Variants in LRRC4C observed in about 807,000 individuals in gnomAD.
The protein encoded by LRRC4C is leucine rich repeat containing 4C.
In LRRC4C, 5 loss-of-function variants were observed where a neutral mutation model predicts 33.6. That is an observed-to-expected ratio of 0.15 (90% CI 0.08 to 0.31). The LOEUF is 0.31. Among genes scored for constraint, LRRC4C ranks in the 10% least tolerant of loss-of-function variants. The pLI, the probability that LRRC4C is intolerant of heterozygous loss-of-function variation, is 1.00. For synonymous variants in LRRC4C, 329 were observed against 302.0 expected (o/e 1.09, Z -0.93); for missense variants, 560 against 796.7 (o/e 0.70, Z 3.58).
chr11:41,358,459 A>G (rs76358055), intron 1 of LRRC4C, among the ~76,000 whole-genome samples: 2,881 of 152,298 alleles, frequency 0.019, 83 homozygotes, highest in African/African-American at 0.065. Flanking sequence ...GAGAAGGAGA[A>G]GATAAGCCAG....
intron 1 of LRRC4C, among the ~76,000 whole-genome samples, chr11:41,455,344 A>T (rs1481129653): frequency 6.6e-6 from 1 of 151,986 alleles, no homozygotes; most frequent in Non-Finnish European, 1.5e-5. Context: ...CATTTTCTGG[A>T]TATCCAGAAA....
intron 3 of LRRC4C, among the ~76,000 whole-genome samples, chr11:40,415,529 T>C (rs571235401): frequency 1.3e-5 from 2 of 152,240 alleles, no homozygotes; most frequent in Non-Finnish European, 2.9e-5. Context: ...GATAAGTATG[T>C]TACACAATGA....
At position 40,286,528 on chromosome 11, in the gene LRRC4C, G is replaced by A. The variant is rs181888909; in HGVS notation, c.-176+33100C>T. On this transcript the variant is annotated intron_variant, in intron 4 of 6. Transcript: ENST00000528697. ...GATCAAAAATAACATCACCAACTTG[G>A]ATAGCAAAGTTGGCAGGAAATCTTT... Among the ~76,000 whole-genome samples, 201 of 152,266 alleles carry A rather than the reference G, an allele frequency of 1.3e-3. 1 individual carries two copies. The highest frequency in any genetic ancestry group is 4.5e-3 in the African/African-American group (189 of 41,558).
intron 1 of LRRC4C, among the ~76,000 whole-genome samples, chr11:41,221,699 G>C (rs1284522428): frequency 1.3e-5 from 2 of 152,092 alleles, no homozygotes; most frequent in African/African-American, 4.8e-5. Context: ...TATTGTTAAA[G>C]TTTATAAATC....
intron 2 of LRRC4C, among the ~76,000 whole-genome samples, chr11:40,752,272 C>T (rs774784171): frequency 6.6e-5 from 10 of 152,086 alleles, no homozygotes; most frequent in Non-Finnish European, 1.2e-4. Context: ...TAAAAAGATT[C>T]TACACAGCAA....
At chr11:40,355,851 G>A (rs114593670) in intron 3 of LRRC4C, among the ~76,000 whole-genome samples, 1,889 of 152,180 alleles carry the variant, frequency 0.012, 28 homozygotes, top group African/African-American at 0.043. Flanking sequence ...TCAATTTGGT[G>A]TTCCTGTTGG....
chr11:40,998,928 C>T (rs1854168539), intron 1 of LRRC4C, among the ~76,000 whole-genome samples: 1 of 152,126 alleles, frequency 6.6e-6, no homozygotes, highest in African/African-American at 2.4e-5. Context: ...TTTCCCGCAT[C>T]ATCTATGTAT....
intron 1 of LRRC4C, among the ~76,000 whole-genome samples, chr11:41,090,372 G>A (rs185222197): frequency 0.011 from 1,612 of 151,876 alleles, 7 homozygotes; most frequent in Middle Eastern, 0.044. Flanking sequence ...GTTTATTTTT[G>A]GTTTTATCTC....
At chr11:41,250,388 T>C (rs930157672) in intron 1 of LRRC4C, among the ~76,000 whole-genome samples, 2 of 152,202 alleles carry the variant, frequency 1.3e-5, no homozygotes, top group African/African-American at 4.8e-5. Flanking sequence ...GGCAAGACGA[T>C]CTCAGCAGAG....
intron 1 of LRRC4C, among the ~76,000 whole-genome samples, chr11:40,987,653 C>CATATA (rs1853137185): frequency 4.1e-5 from 1 of 24,102 alleles, no homozygotes; most frequent in Admixed American, 3.9e-4. Context: ...ATATATATAT[C>CATATA]TCATATATAT....
intron 2 of LRRC4C, among the ~76,000 whole-genome samples, chr11:40,688,118 T>C (rs1001257869): frequency 6.6e-6 from 1 of 152,138 alleles, no homozygotes; most frequent in Non-Finnish European, 1.5e-5. Flanking sequence ...ATTTGTCTTA[T>C]GCAGCATTAC....
chr11:40,877,384 T>A (rs188285383), intron 2 of LRRC4C, among the ~76,000 whole-genome samples: 436 of 152,246 alleles, frequency 2.9e-3, no homozygotes, highest in Non-Finnish European at 4.7e-3. Flanking sequence ...TTCATTTACA[T>A]CCCCTGAAAA....
chr11:40,763,232 A>AT (rs1949308727), intron 2 of LRRC4C, among the ~76,000 whole-genome samples: 1 of 151,946 alleles, frequency 6.6e-6, no homozygotes, highest in South Asian at 2.1e-4. Context: ...CAAGGGGGTG[A>AT]TATCTGCTAG....
At chr11:41,032,025 G>A (rs1388304957) in intron 1 of LRRC4C, among the ~76,000 whole-genome samples, 1 of 152,012 alleles carries the variant, frequency 6.6e-6, no homozygotes, top group East Asian at 1.9e-4. Context: ...TAGGTTGAGA[G>A]CTCTCCAGTT....
intron 1 of LRRC4C, among the ~76,000 whole-genome samples, chr11:41,129,592 C>G (rs1463034085): frequency 1.3e-5 from 2 of 151,794 alleles, no homozygotes; most frequent in African/African-American, 4.8e-5. Flanking sequence ...GTAATTTTAT[C>G]TGCCTCAATG....
At chr11:40,339,698 C>T (rs1946781665) in intron 3 of LRRC4C, among the ~76,000 whole-genome samples, 2 of 152,022 alleles carry the variant, frequency 1.3e-5, no homozygotes, top group African/African-American at 4.8e-5. Flanking sequence ...TTTTGTTAAT[C>T]ATAAATCATA....
At chr11:40,590,947 C>T (rs1028812327) in intron 3 of LRRC4C, among the ~76,000 whole-genome samples, 98 of 152,280 alleles carry the variant, frequency 6.4e-4, no homozygotes, top group Admixed American at 1.2e-3. Flanking sequence ...CTGTGCCCTG[C>T]CCCCAGAGGT....
Position 41,299,535 on chromosome 11 carries a change from AGTTT to A in LRRC4C, c.-496+159892_-496+159895del. Among the ~76,000 whole-genome samples, 5 of 152,216 alleles carry A rather than the reference AGTTT, an allele frequency of 3.3e-5. 1 individual carries two copies. In the Middle Eastern group the frequency reaches 0.01, roughly 311 times the overall value. On this transcript the variant is annotated intron_variant, in intron 1 of 6. Coordinates refer to ENST00000528697, the MANE Select transcript of LRRC4C (RefSeq NM_001258419.2). ...TATATCCTATAGTCAAAAAGTCACC[AGTTT>A]GTTTGATCTGTTATAAATACATGAA...
chr11:41,339,381 A>G (rs1319546295), intron 1 of LRRC4C, among the ~76,000 whole-genome samples: 1 of 152,194 alleles, frequency 6.6e-6, no homozygotes, highest in African/African-American at 2.4e-5. Context: ...TATATCAACT[A>G]TATCCCTGAA....
Sources: gnomAD v4.1 joint callset for allele counts (sites outside exome capture counted in the v4.1 genomes callset) on GRCh38, gnomAD v4.1.1 for gene constraint, MANE v1.5 for transcripts, NCBI Gene and HGNC (gene_info 2026-07-23, HGNC 2026-07-21) for gene names.